Variants in DCC observed in about 807,000 individuals in gnomAD.
DCC encodes netrin receptor DCC.
In DCC, 58 loss-of-function variants were observed where a neutral mutation model predicts 172.5. The observed-to-expected ratio is 0.34, with a 90% CI of 0.27 to 0.42. The LOEUF (loss-of-function observed/expected upper bound fraction) is 0.42. Among genes scored for constraint, DCC ranks in the 10% least tolerant of loss-of-function variants. DCC has a pLI of 1.00. For missense variants in DCC, 1,740 were observed against 1,791.0 expected, an observed-to-expected ratio of 0.97 and a Z score of 0.51; for synonymous variants, 709 against 644.5, an observed-to-expected ratio of 1.10 and a Z score of -1.52.
intron 1 of DCC, among the ~76,000 whole-genome samples, chr18:52,595,931 T>C (rs1390323382): frequency 6.6e-6 from 1 of 152,116 alleles, no homozygotes; most frequent in Non-Finnish European, 1.5e-5. Flanking sequence ...CAAGACATGG[T>C]TTTTTCCTTT....
At chr18:52,801,359 T>C (rs549590493) in intron 2 of DCC, among the ~76,000 whole-genome samples, 1 of 152,298 alleles carries the variant, frequency 6.6e-6, no homozygotes, top group East Asian at 1.9e-4. Context: ...AGGACTTAAT[T>C]GTAACAAAGC....
intron 15 of DCC, among the ~76,000 whole-genome samples, chr18:53,346,905 A>AT (rs1031880717): frequency 3.3e-5 from 5 of 152,098 alleles, no homozygotes; most frequent in African/African-American, 1.2e-4. Flanking sequence ...ATCCTTGAAA[A>AT]TTTTTTGATA....
intron 5 of DCC, among the ~76,000 whole-genome samples, chr18:53,044,590 G>T (rs941080480): frequency 6.6e-6 from 1 of 151,486 alleles, no homozygotes; most frequent in Admixed American, 6.6e-5. Flanking sequence ...ATTACTTTAG[G>T]ATATAAAGTA....
At chr18:53,460,287 T>TG (rs577618911) in intron 24 of DCC, among the ~76,000 whole-genome samples, 31,095 of 127,616 alleles carry the variant, frequency 0.24, 3,971 homozygotes, top group South Asian at 0.36. Flanking sequence ...TTTTTTTTTT[T>TG]TTTTTTTTTT....
At chr18:52,531,168 C>T (rs527902929) in intron 1 of DCC, among the ~76,000 whole-genome samples, 23 of 152,298 alleles carry the variant, frequency 1.5e-4, no homozygotes, top group African/African-American at 4.3e-4. Flanking sequence ...AATTCCTTAT[C>T]ACCAGGGCTG....
chr18:53,408,088 T>C (rs1436567238), intron 19 of DCC, among the ~76,000 whole-genome samples: 1 of 152,156 alleles, frequency 6.6e-6, no homozygotes, highest in East Asian at 1.9e-4. Flanking sequence ...ATGCCAAAAA[T>C]GTACAGATCC....
intron 1 of DCC, among the ~76,000 whole-genome samples, chr18:52,483,929 A>G (rs760375387): frequency 1.2e-4 from 18 of 151,732 alleles, no homozygotes; most frequent in Non-Finnish European, 2.6e-4. Flanking sequence ...TTTCTGAGAG[A>G]TCTCTTAAGT....
intron 14 of DCC, among the ~76,000 whole-genome samples, chr18:53,328,766 C>T (rs919336654): frequency 6.6e-6 from 1 of 152,002 alleles, no homozygotes; most frequent in African/African-American, 2.4e-5. Context: ...AACTCCTGAC[C>T]TCAGGTGATC....
chr18:52,602,563 A>G (rs1053044836), intron 1 of DCC, among the ~76,000 whole-genome samples: 7 of 152,204 alleles, frequency 4.6e-5, no homozygotes, highest in Middle Eastern at 3.4e-3. Flanking sequence ...TTTTGTGCAT[A>G]ATATAAACAG....
At chr18:52,879,345 T>C (rs1225574605) in intron 2 of DCC, among the ~76,000 whole-genome samples, 1 of 151,438 alleles carries the variant, frequency 6.6e-6, no homozygotes, top group Non-Finnish European at 1.5e-5. Flanking sequence ...TCATGCCAAA[T>C]TGGGAAGTTA....
At chr18:53,077,790 G>A (rs1166790849) in intron 7 of DCC, among the ~76,000 whole-genome samples, 2 of 152,156 alleles carry the variant, frequency 1.3e-5, no homozygotes, top group Non-Finnish European at 2.9e-5. Context: ...AGGCTTCTCA[G>A]ATAAATGGGT....
intron 1 of DCC, among the ~76,000 whole-genome samples, chr18:52,457,290 C>A (rs1988488250): frequency 6.6e-6 from 1 of 152,110 alleles, no homozygotes; most frequent in Admixed American, 6.6e-5. Context: ...TCTCATAAAG[C>A]AGCTGGAAAA....
intron 14 of DCC, among the ~76,000 whole-genome samples, chr18:53,322,489 G>C (rs2057423130): frequency 6.6e-6 from 1 of 152,028 alleles, no homozygotes; most frequent in African/African-American, 2.4e-5. Context: ...ACAAGAATTA[G>C]TGTAATTTAT....
chr18:53,419,865 A>AT, intron 21 of DCC, among the ~76,000 whole-genome samples: 1 of 151,044 alleles, frequency 6.6e-6, no homozygotes, highest in East Asian at 1.9e-4. Flanking sequence ...ATTTTTTTTA[A>AT]TTTTTTGACA....
intron 1 of DCC, among the ~76,000 whole-genome samples, chr18:52,617,840 C>T (rs2144853707): frequency 6.6e-6 from 1 of 152,234 alleles, no homozygotes. Flanking sequence ...CTATTTGAGG[C>T]AGTTCTGGCC....
At chr18:53,020,653 G>T (rs1207634979) in intron 5 of DCC, among the ~76,000 whole-genome samples, 1 of 152,116 alleles carries the variant, frequency 6.6e-6, no homozygotes, top group Non-Finnish European at 1.5e-5. Flanking sequence ...TGAGTAAACT[G>T]TAACTAATAC....
intron 1 of DCC, among the ~76,000 whole-genome samples, chr18:52,716,154 T>G (rs1467474010): frequency 6.6e-6 from 1 of 152,248 alleles, no homozygotes; most frequent in Admixed American, 6.5e-5. Flanking sequence ...GGCCCTGGCC[T>G]GCCTGCCCCA....
At chr18:53,172,281 G>A (rs111980448) in intron 8 of DCC, among the ~76,000 whole-genome samples, 3 of 151,960 alleles carry the variant, frequency 2.0e-5, no homozygotes. Flanking sequence ...GAGTACTCAG[G>A]GACATATAGA....
chr18:52,652,317 C>T (rs901333933), intron 1 of DCC, among the ~76,000 whole-genome samples: 2 of 152,154 alleles, frequency 1.3e-5, no homozygotes, highest in Non-Finnish European at 2.9e-5. Flanking sequence ...TTTCTGACCT[C>T]GTCAAAGATA....
Sources: gnomAD v4.1 joint callset for allele counts (sites outside exome capture counted in the v4.1 genomes callset) on GRCh38, gnomAD v4.1.1 for gene constraint, MANE v1.5 for transcripts, NCBI Gene and HGNC (gene_info 2026-07-23, HGNC 2026-07-21) for gene names.